Variants in HAX1 observed in about 807,000 individuals in gnomAD.
HAX1 encodes HCLS1-associated protein X-1.
HAX1 carries 27 observed loss-of-function variants against 31.1 expected under a neutral mutation model. The ratio of observed to expected loss-of-function variants is 0.87; its 90% confidence interval spans 0.64 to 1.20. HAX1 has a LOEUF of 1.20. HAX1 is among the 50% of genes most tolerant of loss of function. The pLI, the probability that HAX1 is intolerant of heterozygous loss-of-function variation, is 0.00. For missense variants in HAX1, 357 were observed against 361.6 expected (o/e 0.99, Z 0.10); for synonymous variants, 114 against 124.1 (o/e 0.92, Z 0.54).
rs777395523 is a variant in HAX1, at chr1:154,275,214, C to A, written c.617C>A (p.Ser206Tyr). ...CCGGTTCTACAGCCCCAGCCCAAAT[C>A]CTATTTCAAGAGCATCTCTGTGACC... ...LGPVLQPQPK[S>Y]YFKSISVTKI... is the part of the protein sequence containing the mutation. Residue 206 changes from serine to tyrosine, a missense_variant, in exon 5 of 7, where the codon TCC (serine) becomes TAC (tyrosine). By Grantham distance (144) the Ser-to-Tyr change is moderately radical. Coordinates refer to ENST00000328703, the MANE Select transcript of HAX1 (RefSeq NM_006118.4). 3.7e-6 allele frequency: 6 copies of A among 1,613,848 alleles called. No homozygotes were observed. In the Admixed American group the frequency reaches 1.0e-4, roughly 27 times the overall value.
rs1484312974 is a variant in HAX1 at position 154,272,802 on chromosome 1, G to A, written c.53+26G>A. 1 of 1,609,214 alleles carries A rather than the reference G, an allele frequency of 6.2e-7. No homozygotes were observed. The highest frequency in any genetic ancestry group is 1.1e-5 in the South Asian group (1 of 90,952). On this transcript the variant is annotated intron_variant, in intron 1 of 6. Coordinates refer to ENST00000328703, the MANE Select transcript of HAX1 (RefSeq NM_006118.4). Reference sequence around the variant, plus strand: ...GTGAGAGTAGGTCCGGCTCGGACAAGGGTGGGGGTCGTCTGAGGGGAGCTT... The same window carrying A: ...GTGAGAGTAGGTCCGGCTCGGACAAAGGTGGGGGTCGTCTGAGGGGAGCTT...
rs754177724 is a variant in HAX1 at position 154,273,552 on chromosome 1, C to T, written c.270C>T (p.Ser90=). ...GFDDLVRDFN[S]IFSDMGAWTL... is the part of the protein sequence containing the mutation. ...ATGACCTAGTACGAGATTTCAATAGCATCTTCAGCGATATGGGGGCCTGGA... is the reference window on the plus strand; with the variant it reads ...ATGACCTAGTACGAGATTTCAATAGTATCTTCAGCGATATGGGGGCCTGGA... The change falls in exon 2 of 7, where the codon AGC becomes AGT. Residue 90 remains serine, a synonymous_variant. Transcript: ENST00000328703. 4.3e-6 allele frequency: 7 copies of T among 1,614,154 alleles called. No homozygotes were observed. Among genetic ancestry groups the T allele is most frequent in the Non-Finnish European group, 3.4e-6 (4 of 1,180,032 alleles).
Position 154,275,467 on chromosome 1 carries a change from T to C in HAX1, c.738T>C (p.Asp246=), listed in dbSNP as rs1196857360. The C allele has an allele frequency of 3.1e-6, 5 of 1,613,946 alleles. No homozygotes were observed. The highest frequency in any genetic ancestry group is 4.2e-6 in the Non-Finnish European group (5 of 1,179,806). The stretch of plus-strand genomic sequence containing the variant: ...CTACAGTAACCCGACACGAAGCAGA[T>C]AGCAGTCCTAGGGGTGGTAAGTTAA... ...TETTVTRHEA[D]SSPRGDPESP... is the part of the protein sequence containing the mutation. The change falls in exon 6 of 7, where the codon GAT becomes GAC. Residue 246 remains aspartate, a synonymous_variant. Coordinates refer to ENST00000328703, the MANE Select transcript of HAX1 (RefSeq NM_006118.4).
chr1:154,275,839 C>T lies in HAX1; in HGVS notation c.*138C>T. The T allele has an allele frequency of 1.4e-6, 1 of 704,420 alleles. No individual in the cohort carries two copies. 43.6% of individuals were successfully genotyped at this position (704,420 alleles called of 1,614,324 possible). On this transcript the variant is annotated 3_prime_UTR_variant, in exon 7 of 7. Coordinates refer to ENST00000328703, the MANE Select transcript of HAX1 (RefSeq NM_006118.4). ...ACTGGGGCCATGTCAGTTTGTCACT[C>T]ACCCAAACTGACCAATAAAACCTTT...
Position 154,275,162 on chromosome 1 carries a change from T to C in HAX1, c.565T>C (p.Ser189Pro), listed in dbSNP as rs546841133. The C allele has an allele frequency of 5.8e-5, 93 of 1,606,140 alleles. 1 individual carries two copies. The South Asian group carries it at 1.0e-3, about 17-fold the overall frequency. ...PRTREDNDLD[S>P]QVSQEGLGPV... Reference sequence around the variant, plus strand: ...TCTCTCTGCTCTTCCAGATCTTGATTCCCAGGTTTCCCAGGAGGGTCTTGG... The same window carrying C: ...TCTCTCTGCTCTTCCAGATCTTGATCCCCAGGTTTCCCAGGAGGGTCTTGG... Residue 189 changes from serine (S) to proline (P), a missense_variant, in exon 5 of 7, where the codon TCC becomes CCC. Physicochemically the swap from Ser to Pro is moderately conservative, Grantham distance 74. Transcript: ENST00000328703.
In HAX1 at chr1:154,275,148, T is replaced by G; in HGVS notation, c.557-6T>G. On this transcript the variant is annotated splice_polypyrimidine_tract_variant and splice_region_variant and intron_variant, in intron 4 of 6. Transcript: ENST00000328703. ...CTCCTGCTTCTTCATCTCTCTGCTC[T>G]TCCAGATCTTGATTCCCAGGTTTCC... 1.3e-6 allele frequency: 2 copies of G among 1,588,778 alleles called. No homozygotes were observed. The highest frequency in any genetic ancestry group is 1.3e-5 in the African/African-American group (1 of 74,568).
At chr1:154,273,111 G>A in intron 1 of HAX1, 1 of 602,196 alleles carries the variant, frequency 1.7e-6, no homozygotes, top group Non-Finnish European at 2.9e-6. Flanking sequence ...CTGGGGGAAG[G>A]TGTATGAAGG....
At chr1:154,275,315 A>G in intron 5 of HAX1, 55 bp downstream of exon 5, 1 of 1,551,316 alleles carries the variant, frequency 6.4e-7, no homozygotes, top group Non-Finnish European at 8.9e-7. Flanking sequence ...AATGCCCTGA[A>G]ACAGGGATCT....
At position 154,275,423 on chromosome 1, in the gene HAX1, A is replaced by G; in HGVS notation, c.694A>G (p.Ser232Gly). 1.2e-6 allele frequency: 2 copies of G among 1,614,178 alleles called. No homozygotes were observed. The highest frequency in any genetic ancestry group is 1.7e-6 in the Non-Finnish European group (2 of 1,180,018). ...IVEERRTVVD[S>G]EGRTETTVTR... ...GGAGGAGCGCCGGACTGTGGTGGAC[A>G]GTGAGGGCCGGACAGAGACTACAGT... is the stretch of plus-strand genomic sequence containing the variant. The change falls in exon 6 of 7, where the codon AGT becomes GGT. Residue 232 changes from serine (S) to glycine (G), a missense_variant. Coordinates refer to ENST00000328703, the MANE Select transcript of HAX1 (RefSeq NM_006118.4).
chr1:154,275,406 G>A lies in HAX1; in HGVS notation c.677G>A (p.Arg226His), dbSNP rs750920845. The A allele has an allele frequency of 1.6e-5, 26 of 1,613,890 alleles. No homozygotes were observed. The South Asian group carries it at 2.1e-4, about 13-fold the overall frequency. Residue 226 changes from arginine (R) to histidine (H), a missense_variant, in exon 6 of 7, where the codon CGC becomes CAC. Coordinates refer to ENST00000328703, the MANE Select transcript of HAX1 (RefSeq NM_006118.4). ...ITKPDGIVEERRTVVDSEGRT... is the reference protein window; with the variant it reads ...ITKPDGIVEEHRTVVDSEGRT... ...TTCTCTTTGTAGATAGTGGAGGAGC[G>A]CCGGACTGTGGTGGACAGTGAGGGC...
Position 154,272,756 on chromosome 1 carries a change from CG to C in HAX1, c.35del (p.Gly12AlafsTer16). ...TCTTTGATCTCTTCCGGGGCTTTTTCGGCTTTCCTGGACCTCGGAGGTGAGA... is the reference window on the plus strand; with the variant it reads ...TCTTTGATCTCTTCCGGGGCTTTTTCGCTTTCCTGGACCTCGGAGGTGAGA... ...SLFDLFRGFF[G>X]FPGPRSHRDP... On this transcript the variant is annotated frameshift_variant, in exon 1 of 7. Transcript: ENST00000328703. LOFTEE classifies it high-confidence loss of function. 6.2e-7 allele frequency: 1 copy of C among 1,614,184 alleles called. No homozygotes were observed. The highest frequency in any genetic ancestry group is 8.5e-7 in the Non-Finnish European group (1 of 1,180,034).
In HAX1 at chr1:154,275,408, C is replaced by A. The variant is rs200890522; in HGVS notation, c.679C>A (p.Arg227=). 1.9e-6 allele frequency: 3 copies of A among 1,613,972 alleles called. No homozygotes were observed. The highest frequency in any genetic ancestry group is 2.5e-6 in the Non-Finnish European group (3 of 1,179,926). The stretch of plus-strand genomic sequence containing the variant: ...CTCTTTGTAGATAGTGGAGGAGCGC[C>A]GGACTGTGGTGGACAGTGAGGGCCG... The part of the protein sequence containing the change: ...TKPDGIVEER[R]TVVDSEGRTE... The change falls in exon 6 of 7, where the codon CGG becomes AGG. Residue 227 remains arginine, a synonymous_variant. Transcript: ENST00000328703.
Sources: allele counts gnomAD v4.1 joint callset, GRCh38; gene constraint gnomAD v4.1.1; transcripts MANE v1.5; gene names NCBI Gene and HGNC (gene_info 2026-07-23, HGNC 2026-07-21).